The following ASB5 variants were observed in gnomAD, a reference collection of about 807,000 sequenced individuals.
ASB5 encodes the protein ankyrin repeat and SOCS box containing 5.
A neutral mutation model predicts 42.1 loss-of-function variants in ASB5; 45 were observed. The ratio of observed to expected loss-of-function variants is 1.07; its 90% confidence interval spans 0.84 to 1.37. The LOEUF is 1.37. ASB5 is among the 40% of genes most tolerant of loss of function. The probability of loss-of-function intolerance (pLI) is 0.00; values close to 1 mark genes in which losing one functional copy is unlikely to be tolerated. For missense variants in ASB5, 402 were observed against 399.8 expected (o/e 1.01, Z -0.05); for synonymous variants, 147 against 150.6 (o/e 0.98, Z 0.18).
Position 176,274,391 on chromosome 4 carries a change from C to T in ASB5, c.-90+1405G>A, listed in dbSNP as rs1228293402. 2.0e-5 allele frequency among the ~76,000 whole-genome samples: 3 copies of T among 152,274 alleles called. No individual in the cohort carries two copies. In the East Asian group the frequency reaches 5.8e-4, roughly 29 times the overall value. On this transcript the variant is annotated intron_variant, in intron 2 of 2. Transcript: ENST00000505299. ...AAAACCCCTGATATATTTATATTTTCTGGAGTCCTTGTAAAGAGAAATTAT... is the reference window on the plus strand; with the variant it reads ...AAAACCCCTGATATATTTATATTTTTTGGAGTCCTTGTAAAGAGAAATTAT...
intron 1 of ASB5, among the ~76,000 whole-genome samples, chr4:176,255,859 G>C (rs939457638): frequency 6.6e-6 from 1 of 152,068 alleles, no homozygotes; most frequent in Non-Finnish European, 1.5e-5. Flanking sequence ...CTAAAATAAA[G>C]GTTGAAATTA....
chr4:176,213,831 A>G lies in ASB5; in HGVS notation c.*1769T>C, dbSNP rs999559438. On this transcript the variant is annotated 3_prime_UTR_variant, in exon 7 of 7. Coordinates refer to ENST00000296525, the MANE Select transcript of ASB5 (RefSeq NM_080874.4). ...GTGACCATTTTAATGTTTGATATTT[A>G]CTTCTCTTATTGGCACAAGACTAAT... is the stretch of plus-strand genomic sequence containing the variant. 1.3e-5 allele frequency: 2 copies of G among 152,128 alleles called. No homozygotes were observed. Among genetic ancestry groups the G allele is most frequent in the Non-Finnish European group, 2.9e-5 (2 of 67,970 alleles). The allele number at this position is 152,128 out of a possible 1,614,324, so 9.4% of individuals were successfully genotyped here.
chr4:176,276,184 C>A (rs1173227496), intron 1 of ASB5, among the ~76,000 whole-genome samples: 1 of 152,094 alleles, frequency 6.6e-6, no homozygotes, highest in African/African-American at 2.4e-5. Flanking sequence ...GGTTTAAATG[C>A]AATAATTCAT....
chr4:176,253,347 C>T (rs192791369), intron 1 of ASB5, among the ~76,000 whole-genome samples: 1 of 152,178 alleles, frequency 6.6e-6, no homozygotes, highest in Non-Finnish European at 1.5e-5. Context: ...ACAGTGCACA[C>T]ATTCTGGTAA....
At position 176,219,168 on chromosome 4, in the gene ASB5, A is replaced by AAT. The variant is rs1278690250; in HGVS notation, c.670+1985_670+1986dup. ...TAAATATATATTTGTATGACATATA[A>AAT]ATATATATTTGTATGACATATAAAT... On this transcript the variant is annotated intron_variant, in intron 5 of 6. Transcript: ENST00000296525. 4.2e-5 allele frequency among the ~76,000 whole-genome samples: 5 copies of AAT among 120,230 alleles called. 1 individual carries two copies. Among genetic ancestry groups the AAT allele is most frequent in the Non-Finnish European group, 7.9e-5 (5 of 63,508 alleles). 78.9% of individuals were successfully genotyped at this position (120,230 alleles called of 152,430 possible).
intron 1 of ASB5, among the ~76,000 whole-genome samples, chr4:176,262,330 C>G (rs962125095): frequency 3.9e-5 from 6 of 152,126 alleles, no homozygotes; most frequent in Non-Finnish European, 7.4e-5. Flanking sequence ...ATTCTTTTAA[C>G]AACAGAACTC....
At chr4:176,276,984 A>G (rs1413944347) in intron 1 of ASB5, among the ~76,000 whole-genome samples, 1 of 152,086 alleles carries the variant, frequency 6.6e-6, no homozygotes, top group African/African-American at 2.4e-5. Flanking sequence ...CAGAAGAACT[A>G]GTTGCTCTAG....
chr4:176,230,919 T>G (rs1230783956), intron 1 of ASB5, among the ~76,000 whole-genome samples: 1 of 152,220 alleles, frequency 6.6e-6, no homozygotes, highest in Non-Finnish European at 1.5e-5. Flanking sequence ...GATAAATTAT[T>G]CAGTGTGAAA....
chr4:176,241,764 C>A, intron 1 of ASB5: 3 of 885,208 alleles, frequency 3.4e-6, no homozygotes, highest in Non-Finnish European at 4.5e-6. Flanking sequence ...AACCTTTGTT[C>A]CAAAGGTCAT....
Position 176,215,548 on chromosome 4 carries a change from C to G in ASB5, c.*52G>C. The G allele has an allele frequency of 6.4e-7, 1 of 1,562,398 alleles. No homozygotes were observed. The highest frequency in any genetic ancestry group is 1.1e-5 in the South Asian group (1 of 87,148). The stretch of plus-strand genomic sequence containing the variant: ...ATTTTTATATGAACTATTCCTTAAG[C>G]AAAAGAAATAGAAATTTTGATTTTC... On this transcript the variant is annotated 3_prime_UTR_variant, in exon 7 of 7. Transcript: ENST00000296525.
intron 1 of ASB5, among the ~76,000 whole-genome samples, chr4:176,246,095 G>C (rs1304071170): frequency 6.6e-6 from 1 of 151,956 alleles, no homozygotes; most frequent in African/African-American, 2.4e-5. Flanking sequence ...TATTGATCTT[G>C]GTGTAAAATT....
chr4:176,264,395 T>C (rs4690426), intron 1 of ASB5, among the ~76,000 whole-genome samples: 10,427 of 150,700 alleles, frequency 0.069, 489 homozygotes, highest in Middle Eastern at 0.12. Context: ...TAATTTGCAA[T>C]AAGACCTATA....
At chr4:176,244,773 C>G (rs1439367859) in intron 1 of ASB5, among the ~76,000 whole-genome samples, 1 of 152,074 alleles carries the variant, frequency 6.6e-6, no homozygotes, top group Non-Finnish European at 1.5e-5. Context: ...TAAAAATTAG[C>G]TGGGCATGGT....
chr4:176,269,068 A>C lies in ASB5; in HGVS notation c.41T>G (p.Leu14Ter). ...AAGTATTGTAAAGTAGACATTGGATAATTGTTGAGCAAACGGCCGATTTTC... is the reference window on the plus strand; with the variant it reads ...AAGTATTGTAAAGTAGACATTGGATCATTGTTGAGCAAACGGCCGATTTTC... Reference protein sequence around the residue: ...LEENRPFAQQLSNVYFTILSL... With the variant: ...LEENRPFAQQ The change falls in exon 1 of 7, where the codon TTA (leucine) becomes TGA (stop). Residue 14 changes from leucine to a stop codon, truncating the protein, a stop_gained. Transcript: ENST00000296525. LOFTEE classifies it high-confidence loss of function. The C allele has an allele frequency of 3.1e-6, 5 of 1,611,880 alleles. No homozygotes were observed. The highest frequency in any genetic ancestry group is 4.2e-6 in the Non-Finnish European group (5 of 1,178,976).
intron 1 of ASB5, among the ~76,000 whole-genome samples, chr4:176,234,802 C>A (rs1753643740): frequency 6.6e-6 from 1 of 152,158 alleles, no homozygotes; most frequent in South Asian, 2.1e-4. Context: ...CTGTTTTTTA[C>A]ACTGCTAAGT....
intron 5 of ASB5, among the ~76,000 whole-genome samples, chr4:176,219,811 C>A (rs1424911221): frequency 6.6e-6 from 1 of 151,390 alleles, no homozygotes; most frequent in Non-Finnish European, 1.5e-5. Flanking sequence ...AAGTGATCCA[C>A]TTGCCTAGGC....
chr4:176,257,381 C>A (rs1216856475), intron 1 of ASB5, among the ~76,000 whole-genome samples: 1 of 152,124 alleles, frequency 6.6e-6, no homozygotes, highest in Non-Finnish European at 1.5e-5. Context: ...AGAAAAGTTT[C>A]TTGGACAGAA....
chr4:176,269,074 T>G lies in ASB5; in HGVS notation c.35A>C (p.Gln12Pro). The G allele has an allele frequency of 1.9e-6, 3 of 1,611,478 alleles. No individual in the cohort carries two copies. The highest frequency in any genetic ancestry group is 1.7e-6 in the Non-Finnish European group (2 of 1,178,740). The change falls in exon 1 of 7, where the codon CAA (glutamine) becomes CCA (proline). Residue 12 changes from glutamine to proline, a missense_variant. Gln to Pro is a moderately conservative substitution (Grantham distance 76). Transcript: ENST00000296525. ...TGTAAAGTAGACATTGGATAATTGT[T>G]GAGCAAACGGCCGATTTTCTTCTAA... is the stretch of plus-strand genomic sequence containing the variant. ...SVLEENRPFA[Q>P]QLSNVYFTIL...
At chr4:176,237,430 G>GT (rs1172300735) in intron 1 of ASB5, 2 of 985,784 alleles carry the variant, frequency 2.0e-6, no homozygotes, top group Non-Finnish European at 2.4e-6. Context: ...TTTGGTTGAC[G>GT]TTTTTTGTCT....
Sources: allele counts gnomAD v4.1 joint callset (sites outside exome capture counted in the v4.1 genomes callset), GRCh38; gene constraint gnomAD v4.1.1; transcripts MANE v1.5; gene names NCBI Gene and HGNC (gene_info 2026-07-23, HGNC 2026-07-21).